Variants in TMCC1 observed in about 807,000 individuals in gnomAD.
The protein encoded by TMCC1 is transmembrane and coiled-coil domain family 1.
TMCC1 carries 15 observed loss-of-function variants against 52.4 expected under a neutral mutation model. That is an observed-to-expected ratio of 0.29 (90% CI 0.19 to 0.44). The LOEUF (loss-of-function observed/expected upper bound fraction) is 0.44. Among genes scored for constraint, TMCC1 ranks in the 20% least tolerant of loss-of-function variants. The pLI, the probability that TMCC1 is intolerant of heterozygous loss-of-function variation, is 1.00. For synonymous variants in TMCC1, 279 were observed against 301.9 expected, an observed-to-expected ratio of 0.92 and a Z score of 0.79; for missense variants, 503 against 806.0, an observed-to-expected ratio of 0.62 and a Z score of 4.55.
intron 4 of TMCC1, among the ~76,000 whole-genome samples, chr3:129,801,889 T>C (rs973101621): frequency 2.0e-5 from 3 of 152,314 alleles, no homozygotes; most frequent in Admixed American, 6.5e-5. Flanking sequence ...TTCTGGACAA[T>C]TGATCATGTA....
In TMCC1 at chr3:129,655,121, GT is replaced by G; in HGVS notation, c.1512-19del. The G allele has an allele frequency of 6.2e-7, 1 of 1,601,574 alleles. No individual in the cohort carries two copies. The highest frequency in any genetic ancestry group is 8.5e-7 in the Non-Finnish European group (1 of 1,175,214). On this transcript the variant is annotated intron_variant, in intron 5 of 6. Transcript: ENST00000393238. ...GTTCACATCTAAGGAGAAAAAAAAA[GT>G]TTAGAATTTTATGAATTCTGTGAAT...
At position 129,853,229 on chromosome 3, in the gene TMCC1, C is replaced by T. The variant is rs542515934; in HGVS notation, c.-183-20403G>A. Among the ~76,000 whole-genome samples the T allele has an allele frequency of 2.6e-5, 4 of 152,168 alleles. No individual in the cohort carries two copies. The South Asian group carries it at 6.2e-4, about 24-fold the overall frequency. ...AAACACCAAAAAACTGTAGTATACA[C>T]TGCAGTACATAAACAAATACAAAAA... On this transcript the variant is annotated intron_variant, in intron 2 of 6. Transcript: ENST00000393238.
chr3:129,862,023 G>T (rs190158499), intron 2 of TMCC1, among the ~76,000 whole-genome samples: 3 of 152,114 alleles, frequency 2.0e-5, no homozygotes, highest in African/African-American at 7.2e-5. Context: ...ATCTTACTTG[G>T]CAATAAAAAA....
chr3:129,688,908 G>A (rs957768272), intron 4 of TMCC1, among the ~76,000 whole-genome samples: 4 of 152,156 alleles, frequency 2.6e-5, no homozygotes, highest in Non-Finnish European at 5.9e-5. Flanking sequence ...TGAAAGAATC[G>A]CTTAAAGAAG....
intron 4 of TMCC1, among the ~76,000 whole-genome samples, chr3:129,684,428 C>T (rs558780847): frequency 1.9e-4 from 29 of 152,284 alleles, no homozygotes; most frequent in African/African-American, 6.5e-4. Context: ...GGAGAGACTA[C>T]GGGCAGTACC....
chr3:129,837,551 C>T (rs1242686254), intron 2 of TMCC1, among the ~76,000 whole-genome samples: 1 of 152,150 alleles, frequency 6.6e-6, no homozygotes, highest in Non-Finnish European at 1.5e-5. Context: ...AACTAGCAGT[C>T]TTCAGTAAGC....
chr3:129,709,512 A>AGAGAG (rs58026993), intron 4 of TMCC1, among the ~76,000 whole-genome samples: 1 of 144,012 alleles, frequency 6.9e-6, no homozygotes, highest in Admixed American at 7.0e-5. Flanking sequence ...AGAGAGAGAG[A>AGAGAG]AACTTTAAAT....
Position 129,651,375 on chromosome 3 carries a change from C to G in TMCC1, c.*106G>C. The G allele has an allele frequency of 8.3e-7, 1 of 1,198,602 alleles. No individual in the cohort carries two copies. Among genetic ancestry groups the G allele is most frequent in the East Asian group, 2.4e-5 (1 of 42,392 alleles). The allele number at this position is 1,198,602 out of a possible 1,614,324, so 74.2% of individuals were successfully genotyped here. A position where few individuals can be genotyped will look rare whatever the true frequency, so the allele number is the denominator to read the frequency against. On this transcript the variant is annotated 3_prime_UTR_variant, in exon 7 of 7. Coordinates refer to ENST00000393238, the MANE Select transcript of TMCC1 (RefSeq NM_001017395.5). This position sits in a 1 kb window ranked among gnomAD's most constrained non-coding sequence, Gnocchi z 5.1. ...TATTCTAAATGTAAACAGATTCACT[C>G]AACTCTTTTTTTGTTGTAGAAAACT...
intron 4 of TMCC1, among the ~76,000 whole-genome samples, chr3:129,771,441 T>C (rs1298147232): frequency 1.3e-5 from 2 of 151,784 alleles, no homozygotes; most frequent in East Asian, 1.9e-4. Context: ...CACTAAAAAG[T>C]GTATGGCAGG....
chr3:129,705,080 A>C (rs2048119398), intron 4 of TMCC1, among the ~76,000 whole-genome samples: 1 of 152,238 alleles, frequency 6.6e-6, no homozygotes, highest in South Asian at 2.1e-4. Flanking sequence ...GTCAATGTCT[A>C]CTTAAAAAAA....
rs1309973087 is a variant in TMCC1 at position 129,651,823 on chromosome 3, GC to G, written c.1648-29del. The G allele has an allele frequency of 6.3e-7, 1 of 1,595,776 alleles. No individual in the cohort carries two copies. The highest frequency in any genetic ancestry group is 1.1e-5 in the South Asian group (1 of 89,228). ...GTGGGCCAGAACAGGGAAGAGTTAAGCCTTCTGCTCACAAGTATTCTGAGAT... is the reference window on the plus strand; with the variant it reads ...GTGGGCCAGAACAGGGAAGAGTTAAGCTTCTGCTCACAAGTATTCTGAGAT... On this transcript the variant is annotated intron_variant, in intron 6 of 6. Transcript: ENST00000393238. This position sits in a 1 kb window ranked among gnomAD's most constrained non-coding sequence, Gnocchi z 5.1.
intron 5 of TMCC1, among the ~76,000 whole-genome samples, chr3:129,669,537 C>T (rs1045455223): frequency 1.3e-5 from 2 of 151,610 alleles, no homozygotes; most frequent in South Asian, 2.1e-4. Context: ...TGGGTTCAAG[C>T]GACTCTCCTG....
In TMCC1 at chr3:129,727,289, T is replaced by G. The variant is rs79794960; in HGVS notation, c.577-56025A>C. Among the ~76,000 whole-genome samples, 888 of 152,310 alleles carry G rather than the reference T, an allele frequency of 5.8e-3. 3 individuals carry two copies. The highest frequency in any genetic ancestry group is 0.02 in the African/African-American group (846 of 41,560). ...TTATTTCTTTGGAATGCTGTTTGAC[T>G]GCATGATCAATGAAGGTTCCTTTCT... On this transcript the variant is annotated intron_variant, in intron 4 of 6. Coordinates refer to ENST00000393238, the MANE Select transcript of TMCC1 (RefSeq NM_001017395.5).
At chr3:129,722,087 G>C (rs1471695519) in intron 4 of TMCC1, among the ~76,000 whole-genome samples, 1 of 152,156 alleles carries the variant, frequency 6.6e-6, no homozygotes, top group Non-Finnish European at 1.5e-5. Flanking sequence ...GTAAGAGAGA[G>C]ACAAAGGTAG....
At chr3:129,808,113 T>C (rs1305212789) in intron 4 of TMCC1, among the ~76,000 whole-genome samples, 1 of 138,914 alleles carries the variant, frequency 7.2e-6, no homozygotes, top group Non-Finnish European at 1.6e-5. Context: ...GGGTGGGGGG[T>C]CAAGGCTGTA....
At chr3:129,866,377 T>TATATATA (rs1560579131) in intron 2 of TMCC1, among the ~76,000 whole-genome samples, 5 of 142,708 alleles carry the variant, frequency 3.5e-5, no homozygotes, top group African/African-American at 1.3e-4. Context: ...TATATATATA[T>TATATATA]GTTTTTTTTT....
At chr3:129,841,467 G>T (rs1486032221) in intron 2 of TMCC1, among the ~76,000 whole-genome samples, 1 of 152,106 alleles carries the variant, frequency 6.6e-6, no homozygotes, top group Admixed American at 6.6e-5. Context: ...TACACCTGTA[G>T]TCCCAGCTTG....
intron 4 of TMCC1, among the ~76,000 whole-genome samples, chr3:129,807,224 A>G (rs888920426): frequency 1.4e-4 from 21 of 152,212 alleles, no homozygotes; most frequent in African/African-American, 5.1e-4. Context: ...GGAGAACTGT[A>G]AAGAGTTACA....
At chr3:129,657,696 G>A (rs1357149174) in intron 5 of TMCC1, among the ~76,000 whole-genome samples, 1 of 152,220 alleles carries the variant, frequency 6.6e-6, no homozygotes, top group Non-Finnish European at 1.5e-5. Flanking sequence ...TGATGTCAAA[G>A]TGGAGTTGAT....
Sources: gnomAD v4.1 joint callset for allele counts (sites outside exome capture counted in the v4.1 genomes callset) on GRCh38, gnomAD v4.1.1 for gene constraint, Gnocchi (gnomAD v3.1) non-coding constraint, MANE v1.5 for transcripts, NCBI Gene and HGNC (gene_info 2026-07-23, HGNC 2026-07-21) for gene names.